Variants in IRAK3 observed in about 807,000 individuals in gnomAD.
IRAK3 encodes the protein interleukin-1 receptor-associated kinase 3.
Under a neutral mutation model 56.6 loss-of-function variants are expected in IRAK3, and 57 were observed. That is an observed-to-expected ratio of 1.01 (90% CI 0.81 to 1.26). IRAK3 has a LOEUF of 1.26. Ranked by LOEUF, IRAK3 falls within the 50% of genes most tolerant of loss-of-function variation. The pLI, the probability that IRAK3 is intolerant of heterozygous loss-of-function variation, is 0.00. For missense variants in IRAK3, 703 were observed against 719.0 expected (o/e 0.98, Z 0.25); for synonymous variants, 258 against 255.7 (o/e 1.01, Z -0.09).
chr12:66,239,180 A>G (rs569442346), intron 8 of IRAK3, among the ~76,000 whole-genome samples: 158 of 152,320 alleles, frequency 1.0e-3, no homozygotes, highest in African/African-American at 3.7e-3. Flanking sequence ...AATGTTTCCT[A>G]TAAAATCATG....
chr12:66,243,369 G>T (rs2052992159), intron 8 of IRAK3, among the ~76,000 whole-genome samples: 1 of 152,204 alleles, frequency 6.6e-6, no homozygotes, highest in Non-Finnish European at 1.5e-5. Flanking sequence ...CGTGGCTGTT[G>T]CTGTAGCACT....
chr12:66,240,371 C>T (rs957648755), intron 8 of IRAK3, among the ~76,000 whole-genome samples: 6 of 152,144 alleles, frequency 3.9e-5, no homozygotes, highest in African/African-American at 9.7e-5. Flanking sequence ...CAAAAACAAG[C>T]TTGAATACTG....
intron 1 of IRAK3, chr12:66,198,032 T>G: frequency 1.0e-6 from 1 of 985,274 alleles, no homozygotes. Flanking sequence ...GTGCCTTTCC[T>G]ACTGTGGCAA....
intron 9 of IRAK3, 55 bp from the exon 10 acceptor site, chr12:66,244,893 A>C (rs1301359298): frequency 8.9e-6 from 12 of 1,354,960 alleles, no homozygotes; most frequent in Non-Finnish European, 1.1e-5. Flanking sequence ...TAGTTGCAAC[A>C]AATTGTGTGT....
At chr12:66,222,886 G>A (rs1015003907) in intron 6 of IRAK3, among the ~76,000 whole-genome samples, 1 of 152,176 alleles carries the variant, frequency 6.6e-6, no homozygotes, top group Non-Finnish European at 1.5e-5. Context: ...CTTTGTGTGA[G>A]CAATAAAGCT....
intron 1 of IRAK3, among the ~76,000 whole-genome samples, chr12:66,198,648 TGAA>T (rs2052477907): frequency 6.6e-6 from 1 of 152,210 alleles, no homozygotes; most frequent in Admixed American, 6.5e-5. Flanking sequence ...AAAAGAAAAA[TGAA>T]GAAGTCTATT....
chr12:66,243,725 G>A (rs529338308), intron 8 of IRAK3, among the ~76,000 whole-genome samples: 1 of 152,306 alleles, frequency 6.6e-6, no homozygotes, highest in Non-Finnish European at 1.5e-5. Context: ...GAAACTGTGG[G>A]TGGTCATGGA....
At chr12:66,201,488 AT>A (rs2052507533) in intron 1 of IRAK3, among the ~76,000 whole-genome samples, 1 of 152,174 alleles carries the variant, frequency 6.6e-6, no homozygotes, top group African/African-American at 2.4e-5. Context: ...CCCAAAACAC[AT>A]TGTTAATTTT....
intron 1 of IRAK3, among the ~76,000 whole-genome samples, chr12:66,190,758 A>T (rs1011308315): frequency 5.3e-5 from 8 of 152,166 alleles, no homozygotes; most frequent in Non-Finnish European, 1.2e-4. Context: ...AACTGGTACA[A>T]ATTGGTTAAG....
chr12:66,247,242 C>G (rs918071796), intron 11 of IRAK3, among the ~76,000 whole-genome samples: 1 of 150,804 alleles, frequency 6.6e-6, no homozygotes, highest in Admixed American at 6.7e-5. Context: ...TGCGCCACAG[C>G]CTGGGCAACA....
At chr12:66,197,233 A>T (rs938920829) in intron 1 of IRAK3, 1 of 1,228,422 alleles carries the variant, frequency 8.1e-7, no homozygotes, top group African/African-American at 1.6e-5. Flanking sequence ...TTCAGTTTAG[A>T]ATGCTTTTAA....
intron 8 of IRAK3, chr12:66,234,664 T>C (rs1050357562): frequency 6.2e-7 from 1 of 1,610,788 alleles, no homozygotes; most frequent in African/African-American, 1.3e-5. Flanking sequence ...CAGAAACTCC[T>C]GGTGGTGTCT....
intron 5 of IRAK3, among the ~76,000 whole-genome samples, chr12:66,216,289 T>C (rs1394382222): frequency 6.6e-6 from 1 of 152,222 alleles, no homozygotes; most frequent in South Asian, 2.1e-4. Flanking sequence ...AATGGTCTTG[T>C]AAAATGTAAA....
At chr12:66,214,114 T>C (rs2052641135) in intron 5 of IRAK3, among the ~76,000 whole-genome samples, 1 of 151,960 alleles carries the variant, frequency 6.6e-6, no homozygotes. Flanking sequence ...ATTAAGTCTG[T>C]GGGTGATTTT....
intron 5 of IRAK3, among the ~76,000 whole-genome samples, chr12:66,216,697 T>C (rs2052680316): frequency 6.6e-6 from 1 of 152,228 alleles, no homozygotes; most frequent in Non-Finnish European, 1.5e-5. Flanking sequence ...GTTATATTTT[T>C]ATTTGCTTAG....
intron 6 of IRAK3, among the ~76,000 whole-genome samples, chr12:66,218,918 G>T (rs117205819): frequency 0.027 from 4,162 of 152,230 alleles, 65 homozygotes; most frequent in Non-Finnish European, 0.043. Context: ...GTGAGATCAT[G>T]CAGTATTTGT....
intron 6 of IRAK3, among the ~76,000 whole-genome samples, chr12:66,221,965 G>A (rs1268040778): frequency 2.0e-5 from 3 of 152,172 alleles, no homozygotes; most frequent in African/African-American, 7.2e-5. Flanking sequence ...GGAGGCGGAG[G>A]TTGCAGTGGG....
Position 66,228,299 on chromosome 12 carries a change from A to G in IRAK3, c.816A>G (p.Ile272Met). Residue 272 changes from isoleucine to methionine, a missense_variant, in exon 8 of 12, where the codon ATA (isoleucine) becomes ATG (methionine). Transcript: ENST00000261233. ...LPWHIRIGIL[I>M]GISKAIHYLH... ...GGCACATTCGAATCGGTATATTAAT[A>G]GGAATATCCAAAGCCATTCACTACC... 6.2e-7 allele frequency: 1 copy of G among 1,614,172 alleles called. No individual in the cohort carries two copies. Among genetic ancestry groups the G allele is most frequent in the Non-Finnish European group, 8.5e-7 (1 of 1,179,994 alleles).
Position 66,254,103 on chromosome 12 carries a change from A to G in IRAK3, c.*5932A>G, listed in dbSNP as rs1445333181. On this transcript the variant is annotated 3_prime_UTR_variant, in exon 12 of 12. Transcript: ENST00000261233. ...AATACTGGCAGGAGTGAAAATTGGT[A>G]GAACCTTTCTAGAAGGCAATTTGGC... is the stretch of plus-strand genomic sequence containing the variant. 3 of 152,222 alleles carry G rather than the reference A, an allele frequency of 2.0e-5. No individual in the cohort carries two copies. Among genetic ancestry groups the G allele is most frequent in the African/African-American group, 7.2e-5 (3 of 41,468 alleles). 9.4% of individuals were successfully genotyped at this position (152,222 alleles called of 1,614,324 possible).
Sources: allele counts gnomAD v4.1 joint callset (sites outside exome capture counted in the v4.1 genomes callset), GRCh38; gene constraint gnomAD v4.1.1; transcripts MANE v1.5; gene names NCBI Gene and HGNC (gene_info 2026-07-23, HGNC 2026-07-21).